The following KCNH8 variants were observed in gnomAD, a reference collection of about 807,000 sequenced individuals.
KCNH8 encodes voltage-gated delayed rectifier potassium channel KCNH8.
In KCNH8, 70 loss-of-function variants were observed where a neutral mutation model predicts 103.6. The observed-to-expected ratio is 0.68, with a 90% CI of 0.56 to 0.82. The LOEUF (loss-of-function observed/expected upper bound fraction) is 0.82, where lower values mean the gene tolerates loss of function less well. Among genes scored for constraint, KCNH8 ranks in the 40% least tolerant of loss-of-function variants. The pLI, the probability that KCNH8 is intolerant of heterozygous loss-of-function variation, is 0.00. For synonymous variants in KCNH8, 498 were observed against 489.4 expected (o/e 1.02, Z -0.23); for missense variants, 1,217 against 1,329.9 (o/e 0.92, Z 1.32).
chr3:19,289,847 T>C (rs1381293429), intron 3 of KCNH8, among the ~76,000 whole-genome samples: 2 of 152,342 alleles, frequency 1.3e-5, no homozygotes, highest in East Asian at 1.9e-4. Context: ...AGTATGGCCA[T>C]TTTCACGATA....
intron 2 of KCNH8, among the ~76,000 whole-genome samples, chr3:19,266,868 A>T (rs576459266): frequency 6.6e-6 from 1 of 152,208 alleles, no homozygotes; most frequent in Admixed American, 6.5e-5. Context: ...CTATTTCTAG[A>T]CATTAATTCC....
At chr3:19,462,738 T>C (rs898492718) in intron 11 of KCNH8, among the ~76,000 whole-genome samples, 2 of 152,230 alleles carry the variant, frequency 1.3e-5, no homozygotes, top group Non-Finnish European at 1.5e-5. Context: ...CTGAATGGTA[T>C]TCCCTAGGTT....
At chr3:19,456,628 T>TTG (rs1201774566) in intron 10 of KCNH8, 140 bp from the exon 11 acceptor site, 1 of 611,812 alleles carries the variant, frequency 1.6e-6, no homozygotes, top group Admixed American at 2.9e-5. Flanking sequence ...TATGCCAAAG[T>TTG]TGAAAAGCCC....
intron 5 of KCNH8, among the ~76,000 whole-genome samples, chr3:19,388,727 G>A (rs977736014): frequency 2.0e-5 from 3 of 152,018 alleles, no homozygotes; most frequent in African/African-American, 7.2e-5. Context: ...CCCAGGACTT[G>A]CCTCTAGATC....
chr3:19,342,749 G>A, intron 4 of KCNH8, 35 bp downstream of exon 4: 1 of 1,556,362 alleles, frequency 6.4e-7, no homozygotes, highest in Non-Finnish European at 8.7e-7. Context: ...GAATGCTAGT[G>A]TTTCCCCTGG....
In KCNH8 at chr3:19,380,318, T is replaced by C. The variant is rs114471386; in HGVS notation, c.812-10163T>C. Among the ~76,000 whole-genome samples, 470 of 152,324 alleles carry C rather than the reference T, an allele frequency of 3.1e-3. 5 individuals carry two copies. The highest frequency in any genetic ancestry group is 0.011 in the African/African-American group (446 of 41,568). On this transcript the variant is annotated intron_variant, in intron 5 of 15. Transcript: ENST00000328405. ...ACATTTTTGGAGATTCTGGCTCTAA[T>C]TGGTGACTCTTTTGATAGTGTATAT...
chr3:19,260,492 A>G (rs1391747062), intron 2 of KCNH8, among the ~76,000 whole-genome samples: 3 of 17,756 alleles, frequency 1.7e-4, no homozygotes, highest in African/African-American at 6.8e-4. Flanking sequence ...TATAGGATAT[A>G]TATATATATA....
At chr3:19,472,363 G>A (rs1473947945) in intron 11 of KCNH8, among the ~76,000 whole-genome samples, 2 of 152,036 alleles carry the variant, frequency 1.3e-5, no homozygotes, top group African/African-American at 4.8e-5. Flanking sequence ...ATCTCATCTT[G>A]TAGTTCTCAT....
chr3:19,162,341 A>G (rs1044132211), intron 1 of KCNH8, among the ~76,000 whole-genome samples: 13 of 148,454 alleles, frequency 8.8e-5, no homozygotes, highest in African/African-American at 2.0e-4. Flanking sequence ...GTGAAAACCC[A>G]TCTGTAACTA....
chr3:19,183,657 A>G (rs2063476950), intron 1 of KCNH8, among the ~76,000 whole-genome samples: 1 of 152,168 alleles, frequency 6.6e-6, no homozygotes, highest in African/African-American at 2.4e-5. Context: ...CCTCAGCAAA[A>G]CCTGTGGTAA....
chr3:19,475,329 T>G (rs1278504882), intron 11 of KCNH8, among the ~76,000 whole-genome samples: 2 of 152,230 alleles, frequency 1.3e-5, no homozygotes, highest in Non-Finnish European at 2.9e-5. Context: ...TCAGAAGTTA[T>G]GCCCATTCTA....
intron 1 of KCNH8, among the ~76,000 whole-genome samples, chr3:19,158,874 G>T (rs78798096): frequency 0.055 from 8,382 of 151,752 alleles, 750 homozygotes; most frequent in African/African-American, 0.19. Flanking sequence ...GCCTTTTGTT[G>T]CTAATTTTTG....
At chr3:19,397,819 C>T (rs1317943916) in intron 7 of KCNH8, among the ~76,000 whole-genome samples, 2 of 151,766 alleles carry the variant, frequency 1.3e-5, no homozygotes, top group Non-Finnish European at 2.9e-5. Context: ...ACTTTCCCTT[C>T]TCCTAAAATT....
chr3:19,291,821 TTC>T (rs1409957719), intron 3 of KCNH8, among the ~76,000 whole-genome samples: 1 of 152,204 alleles, frequency 6.6e-6, no homozygotes. Flanking sequence ...GTCTCGTTGA[TTC>T]TGTTATCTTG....
chr3:19,209,848 A>G (rs1396252595), intron 1 of KCNH8, among the ~76,000 whole-genome samples: 3 of 152,060 alleles, frequency 2.0e-5, no homozygotes, highest in Non-Finnish European at 4.4e-5. Flanking sequence ...GGAGAGTTAT[A>G]GGTACCTTTT....
chr3:19,490,248 G>A (rs1029336216), intron 11 of KCNH8, among the ~76,000 whole-genome samples: 1 of 152,222 alleles, frequency 6.6e-6, no homozygotes, highest in African/African-American at 2.4e-5. Flanking sequence ...AGGATGAGCT[G>A]CAGACAAGAA....
chr3:19,390,548 A>G lies in KCNH8; in HGVS notation c.879A>G (p.Ser293=). The G allele has an allele frequency of 6.2e-7, 1 of 1,613,402 alleles. No individual in the cohort carries two copies. Among genetic ancestry groups the G allele is most frequent in the East Asian group, 2.2e-5 (1 of 44,842 alleles). ...KSGQVIFEAR[S]ICIHYVTTWF... ...GCCAAGTTATCTTTGAAGCAAGATC[A>G]ATTTGCATCCACTATGTCACAACCT... is the stretch of plus-strand genomic sequence containing the variant. Residue 293 remains serine, a synonymous_variant, in exon 6 of 16, where the codon TCA becomes TCG. Coordinates refer to ENST00000328405, the MANE Select transcript of KCNH8 (RefSeq NM_144633.3).
At chr3:19,380,673 A>G (rs906350430) in intron 5 of KCNH8, among the ~76,000 whole-genome samples, 3 of 152,204 alleles carry the variant, frequency 2.0e-5, no homozygotes, top group Non-Finnish European at 4.4e-5. Flanking sequence ...TTGCTTCCCA[A>G]CTTGCCTTTT....
Position 19,451,263 on chromosome 3 carries a change from T to C in KCNH8, c.1684T>C (p.Ser562Pro). 2 of 1,613,976 alleles carry C rather than the reference T, an allele frequency of 1.2e-6. No homozygotes were observed. The highest frequency in any genetic ancestry group is 1.7e-6 in the Non-Finnish European group (2 of 1,179,912). Residue 562 changes from serine to proline, a missense_variant, in exon 10 of 16, where the codon TCT (serine) becomes CCT (proline). Transcript: ENST00000328405. ...FECASRGCLR[S>P]LSLHIKTSFC... The stretch of plus-strand genomic sequence containing the variant: ...ATGTGCCAGCCGGGGCTGCCTCAGG[T>C]CTCTGTCTCTACACATCAAAACCTC...
Sources: allele counts gnomAD v4.1 joint callset (sites outside exome capture counted in the v4.1 genomes callset), GRCh38; gene constraint gnomAD v4.1.1; transcripts MANE v1.5; gene names NCBI Gene and HGNC (gene_info 2026-07-23, HGNC 2026-07-21).